Variants in LRP1B observed in about 807,000 individuals in gnomAD.
The protein encoded by LRP1B is LDL receptor related protein 1B, also known as low-density lipoprotein receptor-related protein 1B.
A neutral mutation model predicts 556.6 loss-of-function variants in LRP1B; 217 were observed. That is an observed-to-expected ratio of 0.39 (90% CI 0.35 to 0.44). The LOEUF (loss-of-function observed/expected upper bound fraction) is 0.44. Among genes scored for constraint, LRP1B ranks in the 20% least tolerant of loss-of-function variants. The pLI, the probability that LRP1B is intolerant of heterozygous loss-of-function variation, is 1.00. For missense variants in LRP1B, 5,053 were observed against 5,620.8 expected (o/e 0.90, Z 3.23); for synonymous variants, 2,047 against 1,865.8 (o/e 1.10, Z -2.50).
chr2:140,816,122 T>C (rs1358624776), intron 31 of LRP1B, among the ~76,000 whole-genome samples: 5 of 152,086 alleles, frequency 3.3e-5, no homozygotes, highest in Admixed American at 1.3e-4. Flanking sequence ...ACTGAATTTT[T>C]TTTTTTCTTT....
chr2:141,572,539 C>T (rs1686567871), intron 2 of LRP1B, among the ~76,000 whole-genome samples: 1 of 151,994 alleles, frequency 6.6e-6, no homozygotes, highest in South Asian at 2.1e-4. Flanking sequence ...TGCAAAACAA[C>T]CAAATAGCAG....
intron 1 of LRP1B, among the ~76,000 whole-genome samples, chr2:142,054,299 G>A (rs980388275): frequency 6.6e-6 from 1 of 152,032 alleles, no homozygotes; most frequent in Non-Finnish European, 1.5e-5. Flanking sequence ...AGAGTGGATA[G>A]AGTACAAGAT....
chr2:140,673,682 A>G (rs2105363749), intron 41 of LRP1B, among the ~76,000 whole-genome samples: 1 of 152,298 alleles, frequency 6.6e-6, no homozygotes, highest in African/African-American at 2.4e-5. Flanking sequence ...TAAGATTCTA[A>G]GCCGTGAACC....
chr2:141,644,759 A>ACACACACACACACG (rs1419149745), intron 2 of LRP1B, among the ~76,000 whole-genome samples: 2 of 148,648 alleles, frequency 1.3e-5, no homozygotes, highest in African/African-American at 5.1e-5. Flanking sequence ...ACACACACAC[A>ACACACACACACACG]CACGCATACA....
intron 7 of LRP1B, among the ~76,000 whole-genome samples, chr2:141,081,747 C>A (rs1699928110): frequency 1.3e-5 from 2 of 152,044 alleles, no homozygotes; most frequent in African/African-American, 4.8e-5. Flanking sequence ...CTAAGAGGCA[C>A]AGTAGAACTT....
intron 1 of LRP1B, among the ~76,000 whole-genome samples, chr2:142,122,216 C>A (rs142212362): frequency 6.4e-4 from 97 of 152,104 alleles, no homozygotes; most frequent in African/African-American, 2.2e-3. Flanking sequence ...GTTCTCCTAG[C>A]AATGAGAATA....
intron 2 of LRP1B, among the ~76,000 whole-genome samples, chr2:141,562,620 G>T (rs1686200756): frequency 7.1e-6 from 1 of 140,412 alleles, no homozygotes; most frequent in Non-Finnish European, 1.6e-5. Context: ...ACCTGCAAGG[G>T]TATTCCAGGC....
At chr2:141,968,604 A>T (rs1701631310) in intron 1 of LRP1B, among the ~76,000 whole-genome samples, 1 of 151,900 alleles carries the variant, frequency 6.6e-6, no homozygotes, top group Non-Finnish European at 1.5e-5. Flanking sequence ...GTACACATGA[A>T]AAAAAAGTGA....
intron 7 of LRP1B, among the ~76,000 whole-genome samples, chr2:141,095,444 C>T (rs1040485484): frequency 3.5e-5 from 5 of 142,856 alleles, no homozygotes; most frequent in Non-Finnish European, 6.0e-5. Context: ...CATATTTGGA[C>T]ATGATAGAAA....
chr2:140,356,559 G>T (rs1338072603), intron 74 of LRP1B, 83 bp from the exon 75 acceptor site: 32 of 936,514 alleles, frequency 3.4e-5, no homozygotes, highest in Non-Finnish European at 4.8e-5. Flanking sequence ...GTTTGAAATG[G>T]TATTTATTAT....
chr2:142,124,263 A>C (rs1707561498), intron 1 of LRP1B, among the ~76,000 whole-genome samples: 1 of 151,818 alleles, frequency 6.6e-6, no homozygotes, highest in Non-Finnish European at 1.5e-5. Context: ...ACTCTTTTCC[A>C]CTAAGGATAC....
chr2:141,754,505 C>T (rs1694250338), intron 2 of LRP1B, among the ~76,000 whole-genome samples: 1 of 151,994 alleles, frequency 6.6e-6, no homozygotes, highest in Admixed American at 6.6e-5. Flanking sequence ...ATAATAATAC[C>T]ATATTTAGTG....
intron 43 of LRP1B, among the ~76,000 whole-genome samples, chr2:140,563,431 T>C (rs1681011479): frequency 7.2e-6 from 1 of 139,574 alleles, no homozygotes; most frequent in Admixed American, 7.3e-5. Context: ...AAAAAATTTA[T>C]GAAGCATTAC....
chr2:140,634,711 G>GA (rs1684011302), intron 41 of LRP1B, among the ~76,000 whole-genome samples: 2 of 151,766 alleles, frequency 1.3e-5, no homozygotes, highest in Admixed American at 1.3e-4. Context: ...CTTAGCATGA[G>GA]AAAAAAAGAC....
At chr2:140,575,964 G>A (rs769350716) in intron 43 of LRP1B, among the ~76,000 whole-genome samples, 3 of 151,368 alleles carry the variant, frequency 2.0e-5, no homozygotes, top group South Asian at 2.1e-4. Flanking sequence ...ATCAAAGAAC[G>A]CGTTCAGCCA....
At chr2:142,017,999 A>G (rs186580298) in intron 1 of LRP1B, among the ~76,000 whole-genome samples, 1 of 145,882 alleles carries the variant, frequency 6.9e-6, no homozygotes, top group African/African-American at 2.5e-5. Flanking sequence ...CATTTTACCT[A>G]CAAACCATGA....
At chr2:142,107,794 A>ATTTTTTTT (rs67962280) in intron 1 of LRP1B, among the ~76,000 whole-genome samples, 311 of 110,512 alleles carry the variant, frequency 2.8e-3, no homozygotes, top group African/African-American at 3.3e-3. Context: ...CGCCTAGCTA[A>ATTTTTTTT]TTTTTTTTTT....
chr2:140,402,045 C>A (rs1684526157), intron 66 of LRP1B, among the ~76,000 whole-genome samples: 1 of 152,166 alleles, frequency 6.6e-6, no homozygotes, highest in Admixed American at 6.5e-5. Flanking sequence ...ATCACTGGAT[C>A]CCCTGCAGAC....
At chr2:141,403,339 T>TA (rs111409918) in intron 3 of LRP1B, among the ~76,000 whole-genome samples, 5,202 of 152,000 alleles carry the variant, frequency 0.034, 288 homozygotes, top group African/African-American at 0.11. Flanking sequence ...TCAAAACTAT[T>TA]AAAAAAAACC....
Sources: gnomAD v4.1 joint callset for allele counts (sites outside exome capture counted in the v4.1 genomes callset) on GRCh38, gnomAD v4.1.1 for gene constraint, MANE v1.5 for transcripts, NCBI Gene and HGNC (gene_info 2026-07-23, HGNC 2026-07-21) for gene names.